Variants in BCOR observed in about 807,000 individuals in gnomAD.
The protein encoded by BCOR is BCL6 corepressor, also known as BCL-6 corepressor.
In BCOR, 10 loss-of-function variants were observed where a neutral mutation model predicts 86.7. That is an observed-to-expected ratio of 0.12 (90% CI 0.07 to 0.20). The LOEUF is 0.20. Among genes scored for constraint, BCOR ranks in the 10% least tolerant of loss-of-function variants. BCOR has a pLI of 1.00. For synonymous variants in BCOR, 611 were observed against 609.0 expected (o/e 1.00, Z -0.05); for missense variants, 1,259 against 1,452.1 (o/e 0.87, Z 2.16).
chrX:40,073,015 T>C lies in BCOR; in HGVS notation c.2331A>G (p.Pro777=). The C allele has an allele frequency of 8.2e-7, 1 of 1,212,252 alleles. No individual in the cohort carries two copies. Among genetic ancestry groups the C allele is most frequent in the South Asian group, 1.8e-5 (1 of 57,022 alleles). ...TTAGGTTCTTGTCGGTGGGGACATC[T>C]GGATGTAACTTGGTGCTGCTAGTTT... is the stretch of plus-strand genomic sequence containing the variant. ...ILETSSTKLH[P]DVPTDKNLKP... Residue 777 remains proline, a synonymous_variant, in exon 4 of 15, where the codon CCA becomes CCG. Transcript: ENST00000378444.
At chrX:40,163,423 C>T (rs369508779) in intron 1 of BCOR, among the ~76,000 whole-genome samples, 5 of 111,383 alleles carry the variant, frequency 4.5e-5, no homozygotes, top group Non-Finnish European at 9.4e-5. Flanking sequence ...TTTACCCTGG[C>T]CTAATTTTAG....
chrX:40,063,992 C>T (rs750660686), intron 7 of BCOR, 40 bp from the exon 8 acceptor site: 57 of 491,577 alleles, frequency 1.2e-4, no homozygotes, highest in East Asian at 1.9e-4. Context: ...AAAAGCCCCC[C>T]GGGGGGGAAC....
At chrX:40,112,020 C>T (rs1210592184) in intron 1 of BCOR, among the ~76,000 whole-genome samples, 2 of 110,384 alleles carry the variant, frequency 1.8e-5, no homozygotes, top group Non-Finnish European at 3.8e-5. Flanking sequence ...CTGGTTACTT[C>T]CTTGTTGCCA....
At chrX:40,096,436 C>A (rs1421502147) in intron 1 of BCOR, among the ~76,000 whole-genome samples, 4 of 112,471 alleles carry the variant, frequency 3.6e-5, no homozygotes, top group African/African-American at 1.3e-4. Flanking sequence ...CTTAAAAGAA[C>A]ATTTACAAAA....
intron 1 of BCOR, among the ~76,000 whole-genome samples, chrX:40,134,726 C>A (rs771592004): frequency 9.8e-5 from 11 of 112,055 alleles, no homozygotes. Context: ...GAGCCAGGAG[C>A]CAGAATTCTC....
intron 1 of BCOR, among the ~76,000 whole-genome samples, chrX:40,149,177 T>G (rs1197975685): frequency 9.1e-6 from 1 of 109,393 alleles, no homozygotes; most frequent in East Asian, 2.9e-4. Context: ...CGCTCAGCTC[T>G]CTTCTCAGCC....
upstream of BCOR, among the ~76,000 whole-genome samples, chrX:40,102,435 C>G (rs1416310818): frequency 8.8e-6 from 1 of 113,785 alleles, no homozygotes; most frequent in Admixed American, 9.2e-5. Context: ...CTCTTGCGCT[C>G]GGCAAGGGCT....
intron 2 of BCOR, 190 bp downstream of exon 2, chrX:40,077,654 A>C (rs943997209): frequency 2.7e-5 from 12 of 445,110 alleles, no homozygotes; most frequent in Admixed American, 1.2e-4. Context: ...TTAGGGGCTA[A>C]TCTTTTAAAG....
Position 40,073,254 on chromosome X carries a change from G to A in BCOR, c.2092C>T (p.Pro698Ser), listed in dbSNP as rs1569156413. The A allele has an allele frequency of 1.7e-6, 2 of 1,210,549 alleles. No homozygotes were observed. Among genetic ancestry groups the A allele is most frequent in the East Asian group, 3.0e-5 (1 of 33,776 alleles). ...AGCCCATAGGGCAGCCCAGGCTTTG[G>A]GGCAAGGTGCCCAGGAAACAGACTG... ...NGSLFPGHLA[P>S]KPGLPYGLPT... is the part of the protein sequence containing the mutation. The change falls in exon 4 of 15, where the codon CCA (proline) becomes TCA (serine). Residue 698 changes from proline (P) to serine (S), a missense_variant. Coordinates refer to ENST00000378444, the MANE Select transcript of BCOR (RefSeq NM_001123385.2).
chrX:40,145,988 A>G (rs1019993671), intron 1 of BCOR, among the ~76,000 whole-genome samples: 1 of 111,359 alleles, frequency 9.0e-6, no homozygotes, highest in East Asian at 2.8e-4. Flanking sequence ...GGCGGCGGAG[A>G]GGCGGAGGGC....
rs1031128332 is a variant in BCOR, at chrX:40,137,344, C to T, written c.-41+39663G>A. 6.3e-4 allele frequency among the ~76,000 whole-genome samples: 69 copies of T among 110,186 alleles called. 1 individual carries two copies. Among genetic ancestry groups the T allele is most frequent in the Non-Finnish European group, 2.1e-4 (11 of 52,866 alleles). ...GGTAGATCACCTGAGGTTGGGAGTT[C>T]GAGACCAGCCTGGCCAACATGGTGA... On this transcript the variant is annotated intron_variant, in intron 1 of 14. Coordinates refer to the BCOR transcript ENST00000342274.
At chrX:40,129,869 C>A (rs1470494812) in intron 1 of BCOR, among the ~76,000 whole-genome samples, 1 of 110,631 alleles carries the variant, frequency 9.0e-6, no homozygotes, top group Non-Finnish European at 1.9e-5. Flanking sequence ...GACGAAACCC[C>A]GTCTCTACCA....
At chrX:40,110,469 TG>T (rs1937281100) in intron 1 of BCOR, among the ~76,000 whole-genome samples, 1 of 108,425 alleles carries the variant, frequency 9.2e-6, no homozygotes, top group African/African-American at 3.3e-5. Context: ...TGAATCCCTA[TG>T]GGGGAAAAAA....
rs189029551 is a variant in BCOR, at chrX:40,121,645, G to A, written c.-40-43676C>T. ...TTTAGATGATGACATGTGCCACACA[G>A]AAGATGAAACAGAGCAGTGTGGCTG... On this transcript the variant is annotated intron_variant, in intron 1 of 14. Coordinates refer to the BCOR transcript ENST00000342274. 4.4e-5 allele frequency among the ~76,000 whole-genome samples: 5 copies of A among 113,162 alleles called. No homozygotes were observed. The Admixed American group carries it at 4.6e-4, about 11-fold the overall frequency.
chrX:40,058,405 G>A (rs1934704636), intron 10 of BCOR, among the ~76,000 whole-genome samples: 1 of 111,728 alleles, frequency 9.0e-6, no homozygotes, highest in Non-Finnish European at 1.9e-5. Context: ...GAACATGTGG[G>A]GTAGCCCAAC....
chrX:40,055,416 T>C lies in BCOR; in HGVS notation c.4693A>G (p.Thr1565Ala), dbSNP rs1289349820. The C allele has an allele frequency of 3.3e-6, 4 of 1,211,048 alleles. No homozygotes were observed. Among genetic ancestry groups the C allele is most frequent in the Non-Finnish European group, 4.5e-6 (4 of 894,541 alleles). Residue 1565 changes from threonine (T) to alanine (A), a missense_variant, in exon 12 of 15, where the codon ACC (threonine) becomes GCC (alanine). Thr to Ala is a moderately conservative substitution (Grantham distance 58, BLOSUM62 0). Coordinates refer to ENST00000378444, the MANE Select transcript of BCOR (RefSeq NM_001123385.2). ...TCACTGTGGGTCATTTTCATGATGGTTCTACCTGAGTACGTAGCCAAGGTG... is the reference window on the plus strand; with the variant it reads ...TCACTGTGGGTCATTTTCATGATGGCTCTACCTGAGTACGTAGCCAAGGTG... ...DPTLATYSGR[T>A]IMKMTHSELM...
At chrX:40,161,077 C>CT (rs1419639880) in intron 1 of BCOR, among the ~76,000 whole-genome samples, 1 of 107,788 alleles carries the variant, frequency 9.3e-6, no homozygotes, top group Admixed American at 1.0e-4. Flanking sequence ...TCTGGGCTCA[C>CT]TGCAGCCTTG....
chrX:40,074,170 C>T lies in BCOR; in HGVS notation c.1176G>A (p.Lys392=), dbSNP rs765075714. The stretch of plus-strand genomic sequence containing the variant: ...CGCCCCCTTCCGGAGCCTTGGGATA[C>T]TTGCCATTGGAGAGCCTGGCCGCGG... The part of the protein sequence containing the change: ...EFPAARLSNG[K]YPKAPEGGEG... Residue 392 remains lysine, a synonymous_variant, in exon 4 of 15, where the codon AAG becomes AAA. Coordinates refer to ENST00000378444, the MANE Select transcript of BCOR (RefSeq NM_001123385.2). 2 of 1,212,402 alleles carry T rather than the reference C, an allele frequency of 1.6e-6. No homozygotes were observed. The highest frequency in any genetic ancestry group is 2.2e-5 in the Admixed American group (1 of 46,136).
At chrX:40,085,175 G>A (rs143447845) in intron 1 of BCOR, among the ~76,000 whole-genome samples, 32 of 113,044 alleles carry the variant, frequency 2.8e-4, no homozygotes, top group Admixed American at 2.2e-3. Context: ...GGCCTGCCTC[G>A]GAGCACGATA....
Sources: gnomAD v4.1 joint callset for allele counts (sites outside exome capture counted in the v4.1 genomes callset) on GRCh38, gnomAD v4.1.1 for gene constraint, MANE v1.5 for transcripts, NCBI Gene and HGNC (gene_info 2026-07-23, HGNC 2026-07-21) for gene names.